PBLD: variants seen among roughly 807,000 people sequenced by gnomAD.
The protein encoded by PBLD is phenazine biosynthesis like protein domain containing.
A neutral mutation model predicts 31.3 loss-of-function variants in PBLD; 26 were observed. The ratio of observed to expected loss-of-function variants is 0.83; its 90% CI spans 0.61 to 1.15. The LOEUF is 1.15. Among genes scored for constraint, PBLD ranks in the 50% most tolerant of loss-of-function variants. The pLI is 0.00. For missense variants in PBLD, 307 were observed against 351.7 expected (o/e 0.87, Z 1.02); for synonymous variants, 114 against 129.0 (o/e 0.88, Z 0.79).
chr10:68,310,741 CCTTCCAGGTT>C (rs2044655357), intron 1 of PBLD, among the ~76,000 whole-genome samples: 2 of 150,218 alleles, frequency 1.3e-5, no homozygotes, highest in Admixed American at 6.7e-5. Context: ...TAGCATAATG[CCTTCCAGGTT>C]CACCCATGTT....
intron 1 of PBLD, among the ~76,000 whole-genome samples, chr10:68,322,711 C>A (rs1231080359): frequency 6.6e-6 from 1 of 151,146 alleles, no homozygotes; most frequent in African/African-American, 2.4e-5. Flanking sequence ...TAACTTGTGA[C>A]AAATGTAGCA....
At chr10:68,326,354 T>A (rs1380178281) in intron 1 of PBLD, among the ~76,000 whole-genome samples, 2 of 152,178 alleles carry the variant, frequency 1.3e-5, no homozygotes, top group Non-Finnish European at 2.9e-5. Flanking sequence ...TTGTATTTTT[T>A]ATGGATGGAT....
intron 1 of PBLD, among the ~76,000 whole-genome samples, chr10:68,329,250 T>A (rs900871261): frequency 3.9e-5 from 6 of 152,132 alleles, no homozygotes; most frequent in African/African-American, 1.4e-4. Context: ...TGTAAACCAA[T>A]TTCAAGTCCT....
intron 1 of PBLD, among the ~76,000 whole-genome samples, chr10:68,318,958 G>A (rs1259374269): frequency 6.7e-6 from 1 of 149,560 alleles, no homozygotes; most frequent in Non-Finnish European, 1.5e-5. Context: ...GAGGAAAGAA[G>A]AAAGGCAGGC....
At chr10:68,327,465 G>C (rs755941188) in intron 1 of PBLD, among the ~76,000 whole-genome samples, 59 of 151,828 alleles carry the variant, frequency 3.9e-4, no homozygotes, top group Admixed American at 8.5e-4. Flanking sequence ...GGATCATGAG[G>C]TCAGGAGTTC....
chr10:68,299,780 G>C (rs2044481249), intron 2 of PBLD, among the ~76,000 whole-genome samples: 1 of 152,072 alleles, frequency 6.6e-6, no homozygotes, highest in Admixed American at 6.5e-5. Context: ...TTGAACCCGG[G>C]AGGCAGAGGT....
chr10:68,297,943 TA>T (rs1325099537), intron 2 of PBLD, among the ~76,000 whole-genome samples: 1 of 112,196 alleles, frequency 8.9e-6, no homozygotes, highest in Non-Finnish European at 1.9e-5. Context: ...TCTGTCTCTG[TA>T]AAAAAAGATT....
In PBLD at chr10:68,284,103, G is replaced by T; in HGVS notation, c.*74C>A. Reference sequence around the variant, plus strand: ...AGACTACTACGCACATTTGCTAAAGGCAGCCCCTTACATTTCTTTTTAAGC... The same window carrying T: ...AGACTACTACGCACATTTGCTAAAGTCAGCCCCTTACATTTCTTTTTAAGC... On this transcript the variant is annotated 3_prime_UTR_variant, in exon 10 of 10. Transcript: ENST00000358769. The T allele has an allele frequency of 7.2e-7, 1 of 1,380,822 alleles. No homozygotes were observed. The highest frequency in any genetic ancestry group is 1.0e-6 in the Non-Finnish European group (1 of 984,896). The allele number at this position is 1,380,822 out of a possible 1,614,324, so 85.5% of individuals were successfully genotyped here. A position where few individuals can be genotyped will look rare whatever the true frequency, so the allele number is the denominator to read the frequency against.
chr10:68,282,675 A>G lies in PBLD; in HGVS notation c.*1502T>C, dbSNP rs2044245634. 6.6e-6 allele frequency: 1 copy of G among 152,032 alleles called. No individual in the cohort carries two copies. Among genetic ancestry groups the G allele is most frequent in the African/African-American group, 2.4e-5 (1 of 41,390 alleles). 9.4% of individuals were successfully genotyped at this position (152,032 alleles called of 1,614,324 possible). A position where few individuals can be genotyped will look rare whatever the true frequency, so the allele number is the denominator to read the frequency against. ...AGGCATTAAAGCTGGTGAATTATTG[A>G]TTTATTGCACATCAGGAGAAACACA... On this transcript the variant is annotated 3_prime_UTR_variant, in exon 10 of 10. Coordinates refer to ENST00000358769, the MANE Select transcript of PBLD (RefSeq NM_022129.4).
intron 2 of PBLD, among the ~76,000 whole-genome samples, chr10:68,301,016 C>A (rs568834999): frequency 2.8e-4 from 43 of 152,110 alleles, no homozygotes; most frequent in Admixed American, 6.6e-5. Flanking sequence ...CCTGCCTCAG[C>A]GTCCTGAGTA....
chr10:68,297,493 T>G (rs1342968340), intron 2 of PBLD, among the ~76,000 whole-genome samples: 1 of 152,134 alleles, frequency 6.6e-6, no homozygotes, highest in Non-Finnish European at 1.5e-5. Flanking sequence ...TGTTGTCTCC[T>G]CTCCAGTGCT....
chr10:68,285,393 G>T lies in PBLD; in HGVS notation c.709C>A (p.Leu237Ile). ...AGATGCTGGGACCAGTAGCTGCTGA[G>T]AACAGCGTGTGCAGACCCTCAAAAG... is the stretch of plus-strand genomic sequence containing the variant. Reference protein sequence around the residue: ...DPVTGSAHAVLSSYWSQHLGK... With the variant: ...DPVTGSAHAVISSYWSQHLGK... The change falls in exon 9 of 10, where the codon CTC becomes ATC. Residue 237 changes from leucine (L) to isoleucine (I), a missense_variant. Physicochemically the swap from Leu to Ile is conservative, Grantham distance 5. Coordinates refer to ENST00000358769, the MANE Select transcript of PBLD (RefSeq NM_022129.4). The T allele has an allele frequency of 6.2e-7, 1 of 1,613,832 alleles. No individual in the cohort carries two copies. The highest frequency in any genetic ancestry group is 2.2e-5 in the East Asian group (1 of 44,868).
chr10:68,288,204 T>C (rs904709530), intron 8 of PBLD: 3 of 437,214 alleles, frequency 6.9e-6, no homozygotes, highest in Non-Finnish European at 1.2e-5. Context: ...ACTGAGACTT[T>C]TAAAAGTCAA....
At chr10:68,306,147 A>C (rs1027057977) in intron 2 of PBLD, among the ~76,000 whole-genome samples, 1 of 8,396 alleles carries the variant, frequency 1.2e-4, no homozygotes, top group African/African-American at 1.3e-4. Context: ...ATTAATATTT[A>C]TCTATTTAAC....
At chr10:68,284,439 T>C in intron 9 of PBLD, 150 bp from the exon 10 acceptor site, 1 of 634,350 alleles carries the variant, frequency 1.6e-6, no homozygotes. Flanking sequence ...CCCACTCCCA[T>C]CCCCATTCTC....
chr10:68,326,336 A>T (rs1289076142), intron 1 of PBLD, among the ~76,000 whole-genome samples: 1 of 152,158 alleles, frequency 6.6e-6, no homozygotes, highest in East Asian at 1.9e-4. Context: ...CACTGTGCCA[A>T]GCTGTACTTG....
At chr10:68,312,445 C>T (rs921190067) in intron 1 of PBLD, among the ~76,000 whole-genome samples, 1 of 152,106 alleles carries the variant, frequency 6.6e-6, no homozygotes, top group Admixed American at 6.5e-5. Context: ...TGATACTGAG[C>T]ATTTTATAAT....
rs541051150 is a variant in PBLD, at chr10:68,311,846, T to G, written c.-59-4943A>C. 1.8e-4 allele frequency among the ~76,000 whole-genome samples: 28 copies of G among 152,128 alleles called. 1 individual carries two copies. Among genetic ancestry groups the G allele is most frequent in the Non-Finnish European group, 1.9e-4 (13 of 68,010 alleles). On this transcript the variant is annotated intron_variant, in intron 1 of 9. Transcript: ENST00000358769. ...GCAGGCATAGTGTTTTTTAGGAAGATGGCAAATACTGGCTGTTTACCCCCA... is the reference window on the plus strand; with the variant it reads ...GCAGGCATAGTGTTTTTTAGGAAGAGGGCAAATACTGGCTGTTTACCCCCA...
intron 1 of PBLD, among the ~76,000 whole-genome samples, chr10:68,309,985 A>T (rs1038836529): frequency 6.7e-6 from 1 of 148,806 alleles, no homozygotes; most frequent in Non-Finnish European, 1.5e-5. Context: ...AAAATACAAA[A>T]ATTAGCCAGG....
Sources: allele counts gnomAD v4.1 joint callset (sites outside exome capture counted in the v4.1 genomes callset), GRCh38; gene constraint gnomAD v4.1.1; transcripts MANE v1.5; gene names NCBI Gene and HGNC (gene_info 2026-07-23, HGNC 2026-07-21).